The following ADAMTS19 variants were observed in gnomAD, a reference collection of about 807,000 sequenced individuals.
ADAMTS19 encodes ADAM metallopeptidase with thrombospondin type 1 motif 19.
A neutral mutation model predicts 153.3 loss-of-function variants in ADAMTS19; 93 were observed. The ratio of observed to expected loss-of-function variants is 0.61; its 90% CI spans 0.51 to 0.72. The LOEUF (loss-of-function observed/expected upper bound fraction) is 0.72, where lower values mean the gene tolerates loss of function less well. Among genes scored for constraint, ADAMTS19 ranks in the 30% least tolerant of loss-of-function variants. The pLI, the probability that ADAMTS19 is intolerant of heterozygous loss-of-function variation, is 0.00. For synonymous variants in ADAMTS19, 600 were observed against 556.6 expected, an observed-to-expected ratio of 1.08 and a Z score of -1.10; for missense variants, 1,482 against 1,552.1, an observed-to-expected ratio of 0.95 and a Z score of 0.76.
At chr5:129,549,617 A>G (rs1031111839) in intron 6 of ADAMTS19, among the ~76,000 whole-genome samples, 1 of 151,624 alleles carries the variant, frequency 6.6e-6, no homozygotes, top group African/African-American at 2.4e-5. Flanking sequence ...ATGGAATTTT[A>G]ACAGTCTTTT....
intron 6 of ADAMTS19, among the ~76,000 whole-genome samples, chr5:129,536,399 G>A (rs894274089): frequency 6.6e-6 from 1 of 152,180 alleles, no homozygotes; most frequent in African/African-American, 2.4e-5. Flanking sequence ...AATCATTAAA[G>A]AGTTAGGAAA....
chr5:129,699,702 G>A lies in ADAMTS19; in HGVS notation c.2955-1686G>A, dbSNP rs915988815. Reference sequence around the variant, plus strand: ...GCCCTTCTAGGAGGAATGGGCGTGGGGCTGGCTGTCAAGGATCCAGGCACA... The same window carrying A: ...GCCCTTCTAGGAGGAATGGGCGTGGAGCTGGCTGTCAAGGATCCAGGCACA... On this transcript the variant is annotated intron_variant, in intron 19 of 22. Coordinates refer to ENST00000274487, the MANE Select transcript of ADAMTS19 (RefSeq NM_133638.6). Among the ~76,000 whole-genome samples, 3 of 152,170 alleles carry A rather than the reference G, an allele frequency of 2.0e-5. No individual in the cohort carries two copies. The East Asian group carries it at 5.8e-4, about 29-fold the overall frequency.
chr5:129,471,750 A>G (rs1325846053), intron 2 of ADAMTS19, among the ~76,000 whole-genome samples: 3 of 151,846 alleles, frequency 2.0e-5, no homozygotes, highest in Non-Finnish European at 4.4e-5. Context: ...GTTCCTCTCT[A>G]TGTGTCCATG....
chr5:129,653,318 G>T (rs542072077), intron 13 of ADAMTS19, among the ~76,000 whole-genome samples: 1 of 152,294 alleles, frequency 6.6e-6, no homozygotes, highest in African/African-American at 2.4e-5. Flanking sequence ...CATGGAAATT[G>T]CTCTGACGTT....
intron 21 of ADAMTS19, among the ~76,000 whole-genome samples, chr5:129,720,010 C>A (rs1274739883): frequency 6.6e-6 from 1 of 151,862 alleles, no homozygotes; most frequent in Non-Finnish European, 1.5e-5. Flanking sequence ...ACTCCTCCAG[C>A]CTGGGCAACA....
At chr5:129,554,099 G>C (rs1753231349) in intron 7 of ADAMTS19, among the ~76,000 whole-genome samples, 1 of 152,146 alleles carries the variant, frequency 6.6e-6, no homozygotes, top group Non-Finnish European at 1.5e-5. Flanking sequence ...ATGATTCGAA[G>C]TATAGGAGAG....
At chr5:129,623,627 G>T (rs964001809) in intron 10 of ADAMTS19, among the ~76,000 whole-genome samples, 4 of 152,160 alleles carry the variant, frequency 2.6e-5, no homozygotes, top group African/African-American at 9.7e-5. Flanking sequence ...CTTATTAAAA[G>T]AGTTGTGCAC....
At chr5:129,635,648 G>A (rs1752501201) in intron 10 of ADAMTS19, among the ~76,000 whole-genome samples, 1 of 152,124 alleles carries the variant, frequency 6.6e-6, no homozygotes. Context: ...AACTAATGCA[G>A]GAACAGAAAA....
chr5:129,671,461 A>G (rs1018836254), intron 16 of ADAMTS19, among the ~76,000 whole-genome samples: 1 of 152,206 alleles, frequency 6.6e-6, no homozygotes, highest in Non-Finnish European at 1.5e-5. Context: ...CATTTCATAA[A>G]TCACATTTCC....
intron 11 of ADAMTS19, among the ~76,000 whole-genome samples, chr5:129,643,517 C>A (rs1173363485): frequency 6.6e-6 from 1 of 151,618 alleles, no homozygotes; most frequent in East Asian, 1.9e-4. Context: ...TATAACTTTT[C>A]TGCAGCCATT....
At chr5:129,591,121 C>T (rs1023674081) in intron 7 of ADAMTS19, among the ~76,000 whole-genome samples, 18 of 152,166 alleles carry the variant, frequency 1.2e-4, no homozygotes, top group African/African-American at 4.1e-4. Context: ...CATTGCCTTT[C>T]CCTGGCTAAC....
At chr5:129,684,020 C>A (rs1164967019) in intron 17 of ADAMTS19, 100 bp from the exon 18 acceptor site, 1 of 1,294,536 alleles carries the variant, frequency 7.7e-7, no homozygotes. Flanking sequence ...ATGCACACAA[C>A]ACAATGAGCA....
In ADAMTS19 at chr5:129,700,085, G is replaced by A. The variant is rs191149035; in HGVS notation, c.2955-1303G>A. Among the ~76,000 whole-genome samples, 9 of 152,176 alleles carry A rather than the reference G, an allele frequency of 5.9e-5. No individual in the cohort carries two copies. In the East Asian group the frequency reaches 1.5e-3, roughly 26 times the overall value. On this transcript the variant is annotated intron_variant, in intron 19 of 22. Transcript: ENST00000274487. ...ATTGCCCAAGTAATGAGAAATACAG[G>A]GAAGATTTTAATTGACAGGAATCAC... is the stretch of plus-strand genomic sequence containing the variant.
chr5:129,621,912 C>A (rs1276460983), intron 9 of ADAMTS19, among the ~76,000 whole-genome samples: 2 of 152,108 alleles, frequency 1.3e-5, no homozygotes, highest in Non-Finnish European at 2.9e-5. Flanking sequence ...CTATTAAATG[C>A]ATAAAATAAC....
chr5:129,654,219 C>T, intron 13 of ADAMTS19, 87 bp from the exon 14 acceptor site: 2 of 1,269,778 alleles, frequency 1.6e-6, no homozygotes, highest in Non-Finnish European at 2.2e-6. Context: ...ATTTTTTACT[C>T]AATAACGATT....
At chr5:129,728,436 G>A (rs7708303) in intron 21 of ADAMTS19, among the ~76,000 whole-genome samples, 3,174 of 152,014 alleles carry the variant, frequency 0.021, 107 homozygotes, top group African/African-American at 0.07. Context: ...TATGTATACC[G>A]TTCAGGACAT....
chr5:129,635,747 C>T (rs1043802031), intron 10 of ADAMTS19, among the ~76,000 whole-genome samples: 1 of 151,998 alleles, frequency 6.6e-6, no homozygotes, highest in African/African-American at 2.4e-5. Flanking sequence ...AAGGTGGAGG[C>T]TGGGAGGAGG....
In ADAMTS19 at chr5:129,735,113, AGC is replaced by A; in HGVS notation, c.3490+5_3490+6del. The A allele has an allele frequency of 1.3e-6, 2 of 1,557,506 alleles. No homozygotes were observed. The highest frequency in any genetic ancestry group is 1.7e-6 in the Non-Finnish European group (2 of 1,157,632). On this transcript the variant is annotated splice_donor_5th_base_variant and intron_variant, in intron 22 of 22. Transcript: ENST00000274487. The stretch of plus-strand genomic sequence containing the variant: ...ACCATAACATCACCCAGACTGGGTA[AGC>A]AGACAAAAAAAAAAGATGCTTTTGA...
chr5:129,532,658 AT>A (rs548515342), intron 6 of ADAMTS19, among the ~76,000 whole-genome samples: 10 of 152,174 alleles, frequency 6.6e-5, no homozygotes, highest in African/African-American at 1.9e-4. Flanking sequence ...AGCTTTCATA[AT>A]TTTTTTTCAT....
Sources: allele counts gnomAD v4.1 joint callset (sites outside exome capture counted in the v4.1 genomes callset), GRCh38; gene constraint gnomAD v4.1.1; transcripts MANE v1.5; gene names NCBI Gene and HGNC (gene_info 2026-07-23, HGNC 2026-07-21).